The following IL17A variants were observed in gnomAD, a reference collection of about 807,000 sequenced individuals.
IL17A encodes interleukin-17A.
In IL17A, 1 loss-of-function variant was observed where a neutral mutation model predicts 7.2. That is an observed-to-expected ratio of 0.14 (90% confidence interval 0.05 to 0.66). IL17A has a LOEUF of 0.66. Among genes scored for constraint, IL17A ranks in the 30% least tolerant of loss-of-function variants. IL17A has a pLI of 0.84. For synonymous variants in IL17A, 90 were observed against 77.7 expected (o/e 1.16, Z -0.83); for missense variants, 191 against 197.1 (o/e 0.97, Z 0.18).
chr6:52,189,647 AT>A lies in IL17A; in HGVS notation c.*356del, dbSNP rs1763345057. ...TATTTTGTTTGTCTTTTTAAAGAAG[AT>A]AAGATTCTGGGCTTGGGAATTTTAT... On this transcript the variant is annotated 3_prime_UTR_variant, in exon 3 of 3. Transcript: ENST00000648244. The A allele has an allele frequency of 5.7e-6, 1 of 176,402 alleles. No homozygotes were observed. Among genetic ancestry groups the A allele is most frequent in the Admixed American group, 6.0e-5 (1 of 16,538 alleles). The allele number at this position is 176,402 out of a possible 1,614,324, so 10.9% of individuals were successfully genotyped here.
In IL17A at chr6:52,189,341, C is replaced by G; in HGVS notation, c.*49C>G. On this transcript the variant is annotated 3_prime_UTR_variant, in exon 3 of 3. Transcript: ENST00000648244. Reference sequence around the variant, plus strand: ...CCAAAGCAGTTAGACTATGGAGAGCCGACCCAGCCCCTCAGGAACCCTCAT... The same window carrying G: ...CCAAAGCAGTTAGACTATGGAGAGCGGACCCAGCCCCTCAGGAACCCTCAT... The G allele has an allele frequency of 7.1e-7, 1 of 1,401,868 alleles. No individual in the cohort carries two copies. The highest frequency in any genetic ancestry group is 1.0e-6 in the Non-Finnish European group (1 of 998,688). The allele number at this position is 1,401,868 out of a possible 1,614,324, so 86.8% of individuals were successfully genotyped here. A position where few individuals can be genotyped will look rare whatever the true frequency, so the allele number is the denominator to read the frequency against.
chr6:52,188,465 C>A (rs1464087714), intron 2 of IL17A, among the ~76,000 whole-genome samples: 4 of 152,152 alleles, frequency 2.6e-5, no homozygotes, highest in African/African-American at 9.7e-5. Context: ...TTCTCTTCTT[C>A]CCATTACTAG....
rs1763286446 is a variant in IL17A, at chr6:52,186,456, G to A, written c.25G>A (p.Val9Met). The change falls in exon 1 of 3, where the codon GTG becomes ATG. Residue 9 changes from valine to methionine, a missense_variant and splice_region_variant. Transcript: ENST00000648244. MTPGKTSL[V>M]SLLLLLSLEA... Reference sequence around the variant, plus strand: ...GATGACTCCTGGGAAGACCTCATTGGTGGTGAGTCCTGCACTAACGTGCGA... The same window carrying A: ...GATGACTCCTGGGAAGACCTCATTGATGGTGAGTCCTGCACTAACGTGCGA... 1.9e-6 allele frequency: 3 copies of A among 1,613,828 alleles called. No homozygotes were observed. The South Asian group carries it at 3.3e-5, about 18-fold the overall frequency.
In IL17A at chr6:52,189,476, C is replaced by A. The variant is rs1027700263; in HGVS notation, c.*184C>A. 3.1e-5 allele frequency: 16 copies of A among 518,246 alleles called. No homozygotes were observed. Among genetic ancestry groups the A allele is most frequent in the Non-Finnish European group, 5.4e-5 (16 of 295,422 alleles). 32.1% of individuals were successfully genotyped at this position (518,246 alleles called of 1,614,324 possible). A position where few individuals can be genotyped will look rare whatever the true frequency, so the allele number is the denominator to read the frequency against. ...GGCCAAGATATGAGATCTGAATTAC[C>A]TTTCCCTCTTTCCAAGAAGGAAGGT... is the stretch of plus-strand genomic sequence containing the variant. On this transcript the variant is annotated 3_prime_UTR_variant, in exon 3 of 3. Coordinates refer to ENST00000648244, the MANE Select transcript of IL17A (RefSeq NM_002190.3).
rs1485026229 is a variant in IL17A at position 52,188,926 on chromosome 6, CA to C, written c.231-128del. 10 of 566,260 alleles carry C rather than the reference CA, an allele frequency of 1.8e-5. No homozygotes were observed. In the Admixed American group the frequency reaches 2.9e-4, roughly 16 times the overall value. 35.1% of individuals were successfully genotyped at this position (566,260 alleles called of 1,614,324 possible). A position where few individuals can be genotyped will look rare whatever the true frequency, so the allele number is the denominator to read the frequency against. On this transcript the variant is annotated intron_variant, in intron 2 of 2. Coordinates refer to ENST00000648244, the MANE Select transcript of IL17A (RefSeq NM_002190.3). ...CCAAAGTTCTTCTTCAAACTAACAT[CA>C]TTTAAAGAATTTGCAATGCCTATAA...
Position 52,187,715 on chromosome 6 carries a change from T to C in IL17A, c.140T>C (p.Val47Ala). The change falls in exon 2 of 3, where the codon GTC (valine) becomes GCC (alanine). Residue 47 changes from valine (V) to alanine (A), a missense_variant. Physicochemically the swap from Val to Ala is moderately conservative, Grantham distance 64. Coordinates refer to ENST00000648244, the MANE Select transcript of IL17A (RefSeq NM_002190.3). ...AAGAACTTCCCCCGGACTGTGATGG[T>C]CAACCTGAACATCCATAACCGGAAT... ...EDKNFPRTVM[V>A]NLNIHNRNTN... The C allele has an allele frequency of 6.2e-7, 1 of 1,614,100 alleles. No individual in the cohort carries two copies. Among genetic ancestry groups the C allele is most frequent in the Non-Finnish European group, 8.5e-7 (1 of 1,179,970 alleles).
chr6:52,187,642 G>T lies in IL17A; in HGVS notation c.67G>T (p.Ala23Ser). The T allele has an allele frequency of 6.2e-7, 1 of 1,614,070 alleles. No homozygotes were observed. The highest frequency in any genetic ancestry group is 8.5e-7 in the Non-Finnish European group (1 of 1,179,968). ...GCTGAGCCTGGAGGCCATAGTGAAGGCAGGAATCACAATCCCACGAAATCC... is the reference window on the plus strand; with the variant it reads ...GCTGAGCCTGGAGGCCATAGTGAAGTCAGGAATCACAATCCCACGAAATCC... ...LLLSLEAIVK[A>S]GITIPRNPGC... Residue 23 changes from alanine (A) to serine (S), a missense_variant, in exon 2 of 3, where the codon GCA (alanine) becomes TCA (serine). Transcript: ENST00000648244.
At position 52,187,721 on chromosome 6, in the gene IL17A, T is replaced by C; in HGVS notation, c.146T>C (p.Leu49Pro). The stretch of plus-strand genomic sequence containing the variant: ...TTCCCCCGGACTGTGATGGTCAACC[T>C]GAACATCCATAACCGGAATACCAAT... ...KNFPRTVMVN[L>P]NIHNRNTNTN... is the part of the protein sequence containing the mutation. Residue 49 changes from leucine (L) to proline (P), a missense_variant, in exon 2 of 3, where the codon CTG becomes CCG. By Grantham distance (98) the Leu-to-Pro change is moderately conservative (BLOSUM62 -3). Coordinates refer to ENST00000648244, the MANE Select transcript of IL17A (RefSeq NM_002190.3). The C allele has an allele frequency of 6.2e-7, 1 of 1,614,072 alleles. No individual in the cohort carries two copies. Among genetic ancestry groups the C allele is most frequent in the East Asian group, 2.2e-5 (1 of 44,876 alleles).
Position 52,190,122 on chromosome 6 carries a change from A to T in IL17A, c.*830A>T, listed in dbSNP as rs1012264223. The T allele has an allele frequency of 2.0e-5, 3 of 152,332 alleles. No individual in the cohort carries two copies. The East Asian group carries it at 5.8e-4, about 29-fold the overall frequency. 9.4% of individuals were successfully genotyped at this position (152,332 alleles called of 1,614,324 possible). A position where few individuals can be genotyped will look rare whatever the true frequency, so the allele number is the denominator to read the frequency against. On this transcript the variant is annotated 3_prime_UTR_variant, in exon 3 of 3. Coordinates refer to ENST00000648244, the MANE Select transcript of IL17A (RefSeq NM_002190.3). ...AATTCTCCTATAAGCAAAACAAAGC[A>T]TGTCTTTGAGTAACAATGACCTGGA...
Position 52,189,064 on chromosome 6 carries a change from G to A in IL17A, c.240G>A (p.Glu80=). The stretch of plus-strand genomic sequence containing the variant: ...TTTCTCCCCTCTGCAGCCGCAATGA[G>A]GACCCTGAGAGATATCCCTCTGTGA... ...STSPWNLHRN[E]DPERYPSVIW... is the part of the protein sequence containing the mutation. The change falls in exon 3 of 3, where the codon GAG becomes GAA. Residue 80 remains glutamate, a synonymous_variant. Transcript: ENST00000648244. The A allele has an allele frequency of 6.2e-7, 1 of 1,612,450 alleles. No individual in the cohort carries two copies. Among genetic ancestry groups the A allele is most frequent in the Non-Finnish European group, 8.5e-7 (1 of 1,178,706 alleles).
rs1763349844 is a variant in IL17A at position 52,189,953 on chromosome 6, T to C, written c.*661T>C. On this transcript the variant is annotated 3_prime_UTR_variant, in exon 3 of 3. Coordinates refer to ENST00000648244, the MANE Select transcript of IL17A (RefSeq NM_002190.3). ...CAATTTGTTGAGGTTTTACAAGAGA[T>C]ACAGCAAGTCTAACTCTCTGTTCCA... The C allele has an allele frequency of 6.6e-6, 1 of 152,228 alleles. No individual in the cohort carries two copies. Among genetic ancestry groups the C allele is most frequent in the Non-Finnish European group, 1.5e-5 (1 of 68,026 alleles). 9.4% of individuals were successfully genotyped at this position (152,228 alleles called of 1,614,324 possible).
Position 52,189,121 on chromosome 6 carries a change from C to T in IL17A, c.297C>T (p.Cys99=). 6.2e-7 allele frequency: 1 copy of T among 1,614,170 alleles called. No individual in the cohort carries two copies. Among genetic ancestry groups the T allele is most frequent in the South Asian group, 1.1e-5 (1 of 91,080 alleles). The change falls in exon 3 of 3, where the codon TGC becomes TGT. Residue 99 remains cysteine, a synonymous_variant. Transcript: ENST00000648244. The stretch of plus-strand genomic sequence containing the variant: ...AGGCAAAGTGCCGCCACTTGGGCTG[C>T]ATCAACGCTGATGGGAACGTGGACT... ...IWEAKCRHLG[C]INADGNVDYH...
chr6:52,188,026 A>T (rs1231935899), intron 2 of IL17A, among the ~76,000 whole-genome samples: 1 of 152,196 alleles, frequency 6.6e-6, no homozygotes, highest in Non-Finnish European at 1.5e-5. Flanking sequence ...ATTGTCACTG[A>T]CACCAATAAT....
intron 1 of IL17A, among the ~76,000 whole-genome samples, chr6:52,186,917 G>T (rs927526755): frequency 2.0e-5 from 3 of 152,014 alleles, no homozygotes; most frequent in African/African-American, 7.3e-5. Context: ...CTAAACATAG[G>T]TATAACTGTG....
chr6:52,188,441 G>A (rs1763320471), intron 2 of IL17A, among the ~76,000 whole-genome samples: 1 of 152,170 alleles, frequency 6.6e-6, no homozygotes. Flanking sequence ...AGATTGGTCT[G>A]ATTGTAGGAT....
Position 52,189,095 on chromosome 6 carries a change from G to C in IL17A, c.271G>C (p.Glu91Gln). 1.2e-6 allele frequency: 2 copies of C among 1,614,064 alleles called. No individual in the cohort carries two copies. The highest frequency in any genetic ancestry group is 1.7e-6 in the Non-Finnish European group (2 of 1,179,986). ...DPERYPSVIWEAKCRHLGCIN... is the reference protein window; with the variant it reads ...DPERYPSVIWQAKCRHLGCIN... ...TGAGAGATATCCCTCTGTGATCTGGGAGGCAAAGTGCCGCCACTTGGGCTG... is the reference window on the plus strand; with the variant it reads ...TGAGAGATATCCCTCTGTGATCTGGCAGGCAAAGTGCCGCCACTTGGGCTG... The change falls in exon 3 of 3, where the codon GAG becomes CAG. Residue 91 changes from glutamate to glutamine, a missense_variant. Coordinates refer to ENST00000648244, the MANE Select transcript of IL17A (RefSeq NM_002190.3).
chr6:52,187,575 CT>C, intron 1 of IL17A, 27 bp from the exon 2 acceptor site: 1 of 1,566,402 alleles, frequency 6.4e-7, no homozygotes, highest in Non-Finnish European at 8.8e-7. Context: ...AATCTCCAAC[CT>C]CTCTCTCCTT....
At position 52,187,530 on chromosome 6, in the gene IL17A, C is replaced by T. The variant is rs1763305636; in HGVS notation, c.28-73C>T. On this transcript the variant is annotated intron_variant, in intron 1 of 2. Coordinates refer to ENST00000648244, the MANE Select transcript of IL17A (RefSeq NM_002190.3). ...TATGATTAGCAATGCATCATCATCACAATTAATTTGTCAAAAAGAACCACA... is the reference window on the plus strand; with the variant it reads ...TATGATTAGCAATGCATCATCATCATAATTAATTTGTCAAAAAGAACCACA... 8 of 1,156,242 alleles carry T rather than the reference C, an allele frequency of 6.9e-6. No homozygotes were observed. The East Asian group carries it at 1.9e-4, about 27-fold the overall frequency. The allele number at this position is 1,156,242 out of a possible 1,614,324, so 71.6% of individuals were successfully genotyped here.
Position 52,189,274 on chromosome 6 carries a change from T to A in IL17A, c.450T>A (p.Ile150=). ...VSVGCTCVTP[I]VHHVA is the part of the protein sequence containing the mutation. ...TGGGCTGCACCTGTGTCACCCCGAT[T>A]GTCCACCATGTGGCCTAAGAGCTCT... The change falls in exon 3 of 3, where the codon ATT becomes ATA. Residue 150 remains isoleucine (I), a synonymous_variant. Transcript: ENST00000648244. 6.2e-7 allele frequency: 1 copy of A among 1,614,010 alleles called. No individual in the cohort carries two copies.
Sources: allele counts gnomAD v4.1 joint callset (sites outside exome capture counted in the v4.1 genomes callset), GRCh38; gene constraint gnomAD v4.1.1; transcripts MANE v1.5; gene names NCBI Gene and HGNC (gene_info 2026-07-23, HGNC 2026-07-21).